SLC35A1: variants seen among roughly 807,000 people sequenced by gnomAD.
SLC35A1 encodes the protein solute carrier family 35 member A1, also known as CMP-sialic acid transporter.
SLC35A1 carries 21 observed loss-of-function variants against 40.3 expected under a neutral mutation model. The ratio of observed to expected loss-of-function variants is 0.52; its 90% CI spans 0.37 to 0.75. The LOEUF is 0.75. Among genes scored for constraint, SLC35A1 ranks in the 30% least tolerant of loss-of-function variants. The pLI is 0.00. For synonymous variants in SLC35A1, 146 were observed against 147.3 expected (o/e 0.99, Z 0.06); for missense variants, 297 against 382.1 (o/e 0.78, Z 1.86).
intron 2 of SLC35A1, among the ~76,000 whole-genome samples, chr6:87,497,630 T>C (rs1220844371): frequency 6.6e-6 from 1 of 152,218 alleles, no homozygotes; most frequent in East Asian, 1.9e-4. Flanking sequence ...AGTTGGATCC[T>C]TAAGTAGCCC....
At chr6:87,490,941 C>CT (rs1158115888) in intron 2 of SLC35A1, among the ~76,000 whole-genome samples, 1 of 152,176 alleles carries the variant, frequency 6.6e-6, no homozygotes, top group African/African-American at 2.4e-5. Flanking sequence ...TATTTGCTGC[C>CT]TTCAGTTATT....
intron 4 of SLC35A1, among the ~76,000 whole-genome samples, chr6:87,503,723 TAATAAC>T (rs1176461256): frequency 1.3e-5 from 2 of 152,026 alleles, no homozygotes; most frequent in African/African-American, 4.8e-5. Flanking sequence ...ATAATAATAA[TAATAAC>T]AATAATATGC....
chr6:87,511,447 T>C lies in SLC35A1; in HGVS notation c.935T>C (p.Leu312Pro). 1 of 1,613,544 alleles carries C rather than the reference T, an allele frequency of 6.2e-7. No individual in the cohort carries two copies. The highest frequency in any genetic ancestry group is 8.5e-7 in the Non-Finnish European group (1 of 1,179,630). ...CTTCTTGTATGTGTTTCCATATATC[T>C]CTATGGATTACCCAGACAAGACACT... ...GTLLVCVSIY[L>P]YGLPRQDTTS... is the part of the protein sequence containing the mutation. The change falls in exon 8 of 8, where the codon CTC becomes CCC. Residue 312 changes from leucine to proline, a missense_variant. Leu to Pro is a moderately conservative substitution (Grantham distance 98). Transcript: ENST00000369552.
Position 87,477,446 on chromosome 6 carries a change from C to G in SLC35A1, c.101C>G (p.Thr34Arg). The G allele has an allele frequency of 6.2e-7, 1 of 1,613,568 alleles. No individual in the cohort carries two copies. Among genetic ancestry groups the G allele is most frequent in the Non-Finnish European group, 8.5e-7 (1 of 1,179,564 alleles). The change falls in exon 2 of 8, where the codon ACA becomes AGA. Residue 34 changes from threonine (T) to arginine (R), a missense_variant. Transcript: ENST00000369552. ...GTCTATACCATAGCTTTAAGATACA[C>G]AAGGACATCAGACAAAGAACTCTAC... ...AAVYTIALRY[T>R]RTSDKELYFS...
Position 87,508,442 on chromosome 6 carries a change from A to G in SLC35A1, c.597A>G (p.Leu199=), listed in dbSNP as rs1770153685. The change falls in exon 6 of 8, where the codon TTA becomes TTG. Residue 199 remains leucine (L), a synonymous_variant. Coordinates refer to ENST00000369552, the MANE Select transcript of SLC35A1 (RefSeq NM_006416.5). ...CAGGAGTATATTTTGAAAAAGTTTT[A>G]AAGAGTTCAGATACTTCTCTTTGGG... is the stretch of plus-strand genomic sequence containing the variant. ...GFAGVYFEKV[L]KSSDTSLWVR... 6.2e-7 allele frequency: 1 copy of G among 1,609,204 alleles called. No individual in the cohort carries two copies. The highest frequency in any genetic ancestry group is 8.5e-7 in the Non-Finnish European group (1 of 1,176,552).
rs191335338 is a variant in SLC35A1 at position 87,505,532 on chromosome 6, G to C, written c.508-850G>C. Reference sequence around the variant, plus strand: ...TAGTATGTATCTTAGTCCATTTTCTGCTGCTATAACAGAATACGCAGAGTG... The same window carrying C: ...TAGTATGTATCTTAGTCCATTTTCTCCTGCTATAACAGAATACGCAGAGTG... On this transcript the variant is annotated intron_variant, in intron 4 of 7. Transcript: ENST00000369552. 2.8e-3 allele frequency among the ~76,000 whole-genome samples: 420 copies of C among 152,248 alleles called. 6 individuals carry two copies. The highest frequency in any genetic ancestry group is 0.025 in the South Asian group (121 of 4,824).
Position 87,490,134 on chromosome 6 carries a change from C to G in SLC35A1, c.195-10374C>G, listed in dbSNP as rs530640897. Among the ~76,000 whole-genome samples, 27 of 151,806 alleles carry G rather than the reference C, an allele frequency of 1.8e-4. No individual in the cohort carries two copies. In the East Asian group the frequency reaches 4.9e-3, roughly 28 times the overall value. ...GTCCCAGCTACTTCAGGGGCTGAGG[C>G]AGGAGGATCGCTTGAACCTGGGAGG... On this transcript the variant is annotated intron_variant, in intron 2 of 7. Transcript: ENST00000369552.
chr6:87,500,046 G>A (rs1361713945), intron 2 of SLC35A1, among the ~76,000 whole-genome samples: 1 of 152,150 alleles, frequency 6.6e-6, no homozygotes, highest in Non-Finnish European at 1.5e-5. Flanking sequence ...AGGTTGCAGT[G>A]AGCTGAGATA....
chr6:87,490,410 T>C (rs1020925700), intron 2 of SLC35A1, among the ~76,000 whole-genome samples: 60 of 149,818 alleles, frequency 4.0e-4, no homozygotes, highest in African/African-American at 1.4e-3. Flanking sequence ...TTCGGCTCAC[T>C]GCAGCCTCCG....
chr6:87,497,106 C>T (rs1315381959), intron 2 of SLC35A1, among the ~76,000 whole-genome samples: 7 of 152,042 alleles, frequency 4.6e-5, no homozygotes. Context: ...TGGTGAGATT[C>T]CCACATATTC....
chr6:87,510,742 C>T (rs1399611226), intron 7 of SLC35A1, among the ~76,000 whole-genome samples: 2 of 151,758 alleles, frequency 1.3e-5, no homozygotes, highest in Non-Finnish European at 2.9e-5. Context: ...GGCACGGTGG[C>T]GCATGCTCCT....
At chr6:87,485,842 G>T (rs944148804) in intron 2 of SLC35A1, among the ~76,000 whole-genome samples, 5 of 152,096 alleles carry the variant, frequency 3.3e-5, no homozygotes, top group Non-Finnish European at 7.4e-5. Flanking sequence ...GAAAAATACT[G>T]CAGAGTTAGT....
At chr6:87,483,352 C>A (rs763050757) in intron 2 of SLC35A1, among the ~76,000 whole-genome samples, 1 of 152,036 alleles carries the variant, frequency 6.6e-6, no homozygotes, top group Non-Finnish European at 1.5e-5. Context: ...GGAGTTTAGC[C>A]TTTCTTTCCC....
rs547855799 is a variant in SLC35A1, at chr6:87,510,278, T to C, written c.886+1103T>C. On this transcript the variant is annotated intron_variant, in intron 7 of 7. Transcript: ENST00000369552. Reference sequence around the variant, plus strand: ...TTTCTACCTGATTTGGGTGAACTTTTAGCTGTAATTCTGATCTATCTTTAT... The same window carrying C: ...TTTCTACCTGATTTGGGTGAACTTTCAGCTGTAATTCTGATCTATCTTTAT... Among the ~76,000 whole-genome samples the C allele has an allele frequency of 1.1e-4, 16 of 152,336 alleles. No individual in the cohort carries two copies. The South Asian group carries it at 2.7e-3, about 26-fold the overall frequency.
chr6:87,473,024 G>T lies in SLC35A1; in HGVS notation c.16+5G>T. The T allele has an allele frequency of 1.5e-6, 1 of 654,358 alleles. No homozygotes were observed. Among genetic ancestry groups the T allele is most frequent in the Non-Finnish European group, 2.3e-6 (1 of 425,664 alleles). 40.5% of individuals were successfully genotyped at this position (654,358 alleles called of 1,614,324 possible). On this transcript the variant is annotated splice_donor_5th_base_variant and intron_variant, in intron 1 of 7. Transcript: ENST00000369552. ...GAACCATGGCTGCCCCGAGAGGTGA[G>T]AACTGGGTCTGCTGGGAGTGGGGAG...
In SLC35A1 at chr6:87,508,484, G is replaced by A. The variant is rs572045939; in HGVS notation, c.639G>A (p.Met213Ile). ...CTCTTTGGGTGAGAAACATTCAAAT[G>A]TATCTATCAGGGATTATTGTGACAT... is the stretch of plus-strand genomic sequence containing the variant. ...DTSLWVRNIQ[M>I]YLSGIIVTLA... The change falls in exon 6 of 8, where the codon ATG (methionine) becomes ATA (isoleucine). Residue 213 changes from methionine to isoleucine, a missense_variant. Transcript: ENST00000369552. 7 of 1,612,534 alleles carry A rather than the reference G, an allele frequency of 4.3e-6. No homozygotes were observed. In the East Asian group the frequency reaches 6.7e-5, roughly 15 times the overall value.
At position 87,511,828 on chromosome 6, in the gene SLC35A1, A is replaced by G. The variant is rs1051131; in HGVS notation, c.*302A>G. The G allele has an allele frequency of 0.58, 220,163 of 381,954 alleles. 64,973 individuals are homozygous for G. The highest frequency in any genetic ancestry group is 0.75 in the African/African-American group (36,344 of 48,228). The allele number at this position is 381,954 out of a possible 1,614,324, so 23.7% of individuals were successfully genotyped here. A position where few individuals can be genotyped will look rare whatever the true frequency, so the allele number is the denominator to read the frequency against. The stretch of plus-strand genomic sequence containing the variant: ...ATACGGTGTTAAAAAAAATCATGGT[A>G]AGGCTACAATACTCAAGTAACAAGG... On this transcript the variant is annotated 3_prime_UTR_variant, in exon 8 of 8. Coordinates refer to ENST00000369552, the MANE Select transcript of SLC35A1 (RefSeq NM_006416.5).
chr6:87,508,334 T>C (rs1770150800), intron 5 of SLC35A1, 86 bp from the exon 6 acceptor site: 3 of 870,460 alleles, frequency 3.4e-6, no homozygotes, highest in Non-Finnish European at 5.4e-6. Flanking sequence ...ATACTTTATA[T>C]ATCTCTAGGG....
At chr6:87,494,177 G>A (rs1338145626) in intron 2 of SLC35A1, among the ~76,000 whole-genome samples, 1 of 151,468 alleles carries the variant, frequency 6.6e-6, no homozygotes, top group Non-Finnish European at 1.5e-5. Context: ...ATTCCATTAT[G>A]TATAGATACC....
Sources: allele counts gnomAD v4.1 joint callset (sites outside exome capture counted in the v4.1 genomes callset), GRCh38; gene constraint gnomAD v4.1.1; transcripts MANE v1.5; gene names NCBI Gene and HGNC (gene_info 2026-07-23, HGNC 2026-07-21).